Variants in CSMD2 observed in about 807,000 individuals in gnomAD.
CSMD2 encodes CUB and Sushi multiple domains 2.
A neutral mutation model predicts 398.5 loss-of-function variants in CSMD2; 130 were observed. The ratio of observed to expected loss-of-function variants is 0.33; its 90% CI spans 0.28 to 0.38. The LOEUF (loss-of-function observed/expected upper bound fraction) is 0.38, where lower values mean the gene tolerates loss of function less well. Among genes scored for constraint, CSMD2 ranks in the 10% least tolerant of loss-of-function variants. CSMD2 has a pLI of 1.00. For synonymous variants in CSMD2, 1,828 were observed against 1,908.5 expected, an observed-to-expected ratio of 0.96 and a Z score of 1.10; for missense variants, 3,829 against 4,764.9, an observed-to-expected ratio of 0.80 and a Z score of 5.78.
chr1:34,032,805 C>A, intron 2 of CSMD2, 99 bp from the exon 3 acceptor site: 1 of 778,578 alleles, frequency 1.3e-6, no homozygotes, highest in South Asian at 1.6e-5. Flanking sequence ...CAGTGCTGAT[C>A]TAGGCACACA....
chr1:34,060,538 C>T (rs567369425), intron 2 of CSMD2, among the ~76,000 whole-genome samples: 22 of 152,262 alleles, frequency 1.4e-4, no homozygotes, highest in Middle Eastern at 3.4e-3. Context: ...CTTGCCCTCC[C>T]CAGCGTACCT....
At chr1:33,911,502 C>T (rs1260356672) in intron 5 of CSMD2, among the ~76,000 whole-genome samples, 1 of 151,998 alleles carries the variant, frequency 6.6e-6, no homozygotes, top group Admixed American at 6.5e-5. Flanking sequence ...TCAAAGTGAA[C>T]GTCTGCAGAG....
chr1:33,716,713 A>C (rs1329077050), intron 19 of CSMD2, among the ~76,000 whole-genome samples: 1 of 152,226 alleles, frequency 6.6e-6, no homozygotes, highest in Non-Finnish European at 1.5e-5. Flanking sequence ...AGAATTTTAC[A>C]GTTCTTCTTT....
intron 24 of CSMD2, among the ~76,000 whole-genome samples, chr1:33,697,584 C>T (rs567168871): frequency 6.6e-6 from 1 of 152,306 alleles, no homozygotes; most frequent in South Asian, 2.1e-4. Flanking sequence ...CACACTTTCA[C>T]CCTTGCACGT....
rs368674224 is a variant in CSMD2, at chr1:33,861,928, T to C, written c.921-14932A>G. On this transcript the variant is annotated intron_variant, in intron 5 of 70. Coordinates refer to ENST00000373381, the MANE Select transcript of CSMD2 (RefSeq NM_001281956.2). ...AGGAGAATAAATGCCTTGACTTAAC[T>C]TTCCTCCATCTCTGATCTCCTGAGG... 1.1e-3 allele frequency among the ~76,000 whole-genome samples: 120 copies of C among 106,104 alleles called. No homozygotes were observed. In the East Asian group the frequency reaches 0.03, roughly 27 times the overall value. The allele number at this position is 106,104 out of a possible 152,430, so 69.6% of individuals were successfully genotyped here.
chr1:34,150,195 C>T lies in CSMD2; in HGVS notation c.187+14716G>A, dbSNP rs915101162. Among the ~76,000 whole-genome samples the T allele has an allele frequency of 7.9e-5, 12 of 151,570 alleles. No individual in the cohort carries two copies. The East Asian group carries it at 1.2e-3, about 15-fold the overall frequency. Reference sequence around the variant, plus strand: ...CTCCTGGGCTCAAGCAATCCTCTTGCCTCAGCCTCCTGACTTGCTGGGACT... The same window carrying T: ...CTCCTGGGCTCAAGCAATCCTCTTGTCTCAGCCTCCTGACTTGCTGGGACT... On this transcript the variant is annotated intron_variant, in intron 1 of 70. Coordinates refer to ENST00000373381, the MANE Select transcript of CSMD2 (RefSeq NM_001281956.2).
intron 22 of CSMD2, among the ~76,000 whole-genome samples, chr1:33,701,189 T>A (rs1397523304): frequency 1.3e-5 from 2 of 152,170 alleles, no homozygotes; most frequent in Admixed American, 6.5e-5. Flanking sequence ...CTGGACATCA[T>A]CCCTGGGATC....
At chr1:33,550,033 C>T in intron 56 of CSMD2, 144 bp downstream of exon 56, 1 of 773,926 alleles carries the variant, frequency 1.3e-6, no homozygotes, top group East Asian at 2.7e-5. Context: ...TCTTGCTGTG[C>T]TTTCTACCTG....
At chr1:33,814,297 TG>T (rs1657203870) in intron 9 of CSMD2, 1 of 152,182 alleles carries the variant, frequency 6.6e-6, no homozygotes, top group Non-Finnish European at 1.5e-5. Context: ...AGCTTTGCTG[TG>T]AAAAAAATCA....
In CSMD2 at chr1:33,635,292, C is replaced by T; in HGVS notation, c.5008G>A (p.Val1670Ile). 1 of 1,612,662 alleles carries T rather than the reference C, an allele frequency of 6.2e-7. No individual in the cohort carries two copies. ...GGQYVGSDGV[V>I]LSPNYPQNYT... ...TTCTGGGGGTAGTTGGGGGACAAGA[C>T]CACTCCGTCCGAACCCACATACTGT... Residue 1670 changes from valine (V) to isoleucine (I), a missense_variant, in exon 31 of 71, where the codon GTC becomes ATC. By Grantham distance (29) the Val-to-Ile change is conservative. Around this residue, in one of 5 missense-constraint regions of CSMD2, gnomAD observed 2,001 missense variants for 2,567.1 expected, o/e 0.78. Transcript: ENST00000373381. This position sits in a 1 kb window ranked among gnomAD's most constrained non-coding sequence, Gnocchi z 5.0.
At chr1:33,591,890 C>T (rs1451240006) in intron 44 of CSMD2, 1 of 158,864 alleles carries the variant, frequency 6.3e-6, no homozygotes, top group Non-Finnish European at 1.4e-5. Flanking sequence ...CTCTCTCTCT[C>T]TGAGTATACA....
chr1:33,682,978 G>A (rs1365459058), intron 25 of CSMD2, among the ~76,000 whole-genome samples: 1 of 152,094 alleles, frequency 6.6e-6, no homozygotes, highest in Non-Finnish European at 1.5e-5. Flanking sequence ...ATGGCCTTTT[G>A]TATATTATTA....
chr1:33,983,014 G>C (rs1646226147), intron 3 of CSMD2, among the ~76,000 whole-genome samples: 1 of 152,162 alleles, frequency 6.6e-6, no homozygotes, highest in African/African-American at 2.4e-5. Flanking sequence ...TGTGAGCAGA[G>C]ACCTGCAGGA....
chr1:34,165,083 C>T lies in CSMD2; in HGVS notation c.15G>A (p.Arg5=). Residue 5 remains arginine (R), a synonymous_variant, in exon 1 of 71, where the codon CGG becomes CGA. Coordinates refer to ENST00000373381, the MANE Select transcript of CSMD2 (RefSeq NM_001281956.2). The part of the protein sequence containing the change: MPRS[R]GRELGRCGCP... ...AGCCGCAGCGCCCCAGCTCCCGTCC[C>T]CGCGAGCGCGGCATGGCGCGGCCGG... 1.6e-6 allele frequency: 2 copies of T among 1,214,734 alleles called. No individual in the cohort carries two copies. Among genetic ancestry groups the T allele is most frequent in the Admixed American group, 8.7e-5 (2 of 23,066 alleles). The allele number at this position is 1,214,734 out of a possible 1,614,324, so 75.2% of individuals were successfully genotyped here. A position where few individuals can be genotyped will look rare whatever the true frequency, so the allele number is the denominator to read the frequency against.
At position 34,164,772 on chromosome 1, in the gene CSMD2, AG is replaced by A. The variant is rs1280821415; in HGVS notation, c.187+138del. 15 of 713,110 alleles carry A rather than the reference AG, an allele frequency of 2.1e-5. No homozygotes were observed. Among genetic ancestry groups the A allele is most frequent in the Non-Finnish European group, 2.8e-5 (15 of 538,206 alleles). The allele number at this position is 713,110 out of a possible 1,614,324, so 44.2% of individuals were successfully genotyped here. On this transcript the variant is annotated intron_variant, in intron 1 of 70. Coordinates refer to ENST00000373381, the MANE Select transcript of CSMD2 (RefSeq NM_001281956.2). The surrounding 1 kb of genome is among the most constrained non-coding windows in gnomAD (Gnocchi z 6.2). ...AGACGGAGGCAGGGATGAGAATGAG[AG>A]TAGGCAACTGGGAGGGTGGGAGATT...
At position 33,799,394 on chromosome 1, in the gene CSMD2, G is replaced by A. The variant is rs1655330028; in HGVS notation, c.1447-6868C>T. Among the ~76,000 whole-genome samples, 5 of 152,350 alleles carry A rather than the reference G, an allele frequency of 3.3e-5. No individual in the cohort carries two copies. In the South Asian group the frequency reaches 8.3e-4, roughly 25 times the overall value. Reference sequence around the variant, plus strand: ...GGTACTCCAGGGCCAACCCACAAGGGTGGAAGAGGAGCCAGAGGAGGGAAG... The same window carrying A: ...GGTACTCCAGGGCCAACCCACAAGGATGGAAGAGGAGCCAGAGGAGGGAAG... On this transcript the variant is annotated intron_variant, in intron 10 of 70. Transcript: ENST00000373381.
chr1:33,816,909 C>T (rs1244512015), intron 9 of CSMD2, among the ~76,000 whole-genome samples: 1 of 152,098 alleles, frequency 6.6e-6, no homozygotes, highest in Non-Finnish European at 1.5e-5. Flanking sequence ...TATTTCTAAT[C>T]AAATCATATT....
intron 27 of CSMD2, among the ~76,000 whole-genome samples, chr1:33,655,155 C>T (rs886152536): frequency 3.2e-4 from 48 of 152,148 alleles, no homozygotes; most frequent in African/African-American, 1.1e-3. Flanking sequence ...GCAGATCCTT[C>T]TAGACAGCCA....
intron 28 of CSMD2, 69 bp from the exon 29 acceptor site, chr1:33,646,904 C>G: frequency 6.7e-7 from 1 of 1,491,550 alleles, no homozygotes; most frequent in East Asian, 2.5e-5. Context: ...GGGTCTTAGG[C>G]TCAACCAAAG....
Sources: gnomAD v4.1 joint callset for allele counts (sites outside exome capture counted in the v4.1 genomes callset) on GRCh38, gnomAD v4.1.1 for gene constraint, gnomAD v4.1.1 regional missense constraint, Gnocchi (gnomAD v3.1) non-coding constraint, MANE v1.5 for transcripts, NCBI Gene and HGNC (gene_info 2026-07-23, HGNC 2026-07-21) for gene names.